The following AMPH variants were observed in gnomAD, a reference collection of about 807,000 sequenced individuals.
AMPH encodes the protein amphiphysin (Stiff-Mann syndrome with breast cancer 128kD autoantigen).
In AMPH, 49 loss-of-function variants were observed where a neutral mutation model predicts 99.1. The observed-to-expected ratio is 0.49, with a 90% CI of 0.39 to 0.63. The LOEUF (loss-of-function observed/expected upper bound fraction) is 0.63. AMPH is among the 20% of genes least tolerant of loss of function. AMPH has a pLI of 0.00. For missense variants in AMPH, 759 were observed against 863.4 expected, an observed-to-expected ratio of 0.88 and a Z score of 1.52; for synonymous variants, 314 against 317.3, an observed-to-expected ratio of 0.99 and a Z score of 0.11.
chr7:38,517,178 G>A (rs111765493), intron 2 of AMPH, among the ~76,000 whole-genome samples: 166 of 152,266 alleles, frequency 1.1e-3, no homozygotes, highest in South Asian at 4.6e-3. Context: ...ATGTGAGAAG[G>A]ACATGAGATT....
chr7:38,610,806 TCA>T (rs976526450), intron 1 of AMPH, among the ~76,000 whole-genome samples: 74 of 152,096 alleles, frequency 4.9e-4, no homozygotes, highest in African/African-American at 1.8e-3. Context: ...ACAAAAAAAA[TCA>T]TTTAATTTCA....
At chr7:38,395,093 T>A (rs1218563997) in intron 17 of AMPH, among the ~76,000 whole-genome samples, 1 of 152,162 alleles carries the variant, frequency 6.6e-6, no homozygotes, top group African/African-American at 2.4e-5. Flanking sequence ...GGAAGTGGCC[T>A]GGGTCAGAGA....
At chr7:38,445,539 A>G (rs972667087) in intron 11 of AMPH, among the ~76,000 whole-genome samples, 28 of 152,218 alleles carry the variant, frequency 1.8e-4, no homozygotes, top group African/African-American at 6.8e-4. Flanking sequence ...TGTATACAGA[A>G]TGGATAAAGA....
chr7:38,572,333 G>A (rs1792078799), intron 1 of AMPH, among the ~76,000 whole-genome samples: 1 of 152,160 alleles, frequency 6.6e-6, no homozygotes, highest in Admixed American at 6.5e-5. Flanking sequence ...GTTCAGGTGT[G>A]TACCCCAGGA....
chr7:38,582,339 G>T (rs186173009), intron 1 of AMPH, among the ~76,000 whole-genome samples: 4 of 152,156 alleles, frequency 2.6e-5, no homozygotes, highest in Admixed American at 2.6e-4. Context: ...AAGTGCCATG[G>T]TCATGTAGAA....
intron 17 of AMPH, among the ~76,000 whole-genome samples, chr7:38,412,397 A>T (rs191819691): frequency 1.2e-4 from 18 of 152,356 alleles, no homozygotes; most frequent in Admixed American, 3.3e-4. Context: ...AATGACATTT[A>T]TTAAAAAGTC....
intron 11 of AMPH, among the ~76,000 whole-genome samples, chr7:38,443,765 T>C (rs1786647758): frequency 6.6e-6 from 1 of 152,126 alleles, no homozygotes; most frequent in Non-Finnish European, 1.5e-5. Context: ...AAATACTACA[T>C]GCTCTTCCTC....
Position 38,458,922 on chromosome 7 carries a change from C to T in AMPH, c.1017+2361G>A, listed in dbSNP as rs1787336937. Among the ~76,000 whole-genome samples, 2 of 151,902 alleles carry T rather than the reference C, an allele frequency of 1.3e-5. 1 individual carries two copies. Among genetic ancestry groups the T allele is most frequent in the South Asian group, 4.2e-4 (2 of 4,810 alleles). ...GCATTCAAATTGGATAAGAAGAAGC[C>T]AAATTGTTCCTCTTTGCTGATAGTA... On this transcript the variant is annotated intron_variant, in intron 11 of 20. Coordinates refer to ENST00000356264, the MANE Select transcript of AMPH (RefSeq NM_001635.4).
At chr7:38,559,884 T>C (rs1462063281) in intron 1 of AMPH, among the ~76,000 whole-genome samples, 1 of 152,194 alleles carries the variant, frequency 6.6e-6, no homozygotes, top group Non-Finnish European at 1.5e-5. Context: ...CTGACACCTA[T>C]GGCGCCTGTA....
chr7:38,482,320 T>G (rs962055983), intron 5 of AMPH, among the ~76,000 whole-genome samples: 1 of 152,126 alleles, frequency 6.6e-6, no homozygotes, highest in Non-Finnish European at 1.5e-5. Flanking sequence ...GCAAAAGATC[T>G]AGATGATATT....
chr7:38,434,290 CCACA>C (rs1786170783), intron 12 of AMPH, among the ~76,000 whole-genome samples: 1 of 152,232 alleles, frequency 6.6e-6, no homozygotes, highest in South Asian at 2.1e-4. Context: ...AGTCATAAGG[CCACA>C]CACAGTTTCA....
At chr7:38,435,022 A>C (rs903474303) in intron 12 of AMPH, among the ~76,000 whole-genome samples, 2 of 152,234 alleles carry the variant, frequency 1.3e-5, no homozygotes, top group Non-Finnish European at 2.9e-5. Flanking sequence ...CTCTAAGTTA[A>C]ACAAATATAA....
intron 8 of AMPH, 127 bp from the exon 9 acceptor site, chr7:38,465,676 G>C: frequency 1.3e-6 from 1 of 773,538 alleles, no homozygotes; most frequent in Non-Finnish European, 2.1e-6. Flanking sequence ...GATGGCCTCA[G>C]GATAACTGAA....
At chr7:38,439,453 A>G (rs1055063325) in intron 11 of AMPH, among the ~76,000 whole-genome samples, 1 of 152,244 alleles carries the variant, frequency 6.6e-6, no homozygotes, top group Non-Finnish European at 1.5e-5. Flanking sequence ...GTAAAGCTAC[A>G]AACATAGCAA....
intron 11 of AMPH, among the ~76,000 whole-genome samples, chr7:38,437,693 A>G (rs1786331185): frequency 6.6e-6 from 1 of 151,788 alleles, no homozygotes; most frequent in African/African-American, 2.4e-5. Flanking sequence ...AGTCCCAGCT[A>G]CTTGGGAGGC....
chr7:38,614,679 A>G (rs1319634138), intron 1 of AMPH, among the ~76,000 whole-genome samples: 1 of 152,136 alleles, frequency 6.6e-6, no homozygotes, highest in Admixed American at 6.5e-5. Context: ...TAAGAAATGA[A>G]ATTAACTCAG....
chr7:38,451,649 C>T (rs1244984896), intron 11 of AMPH, among the ~76,000 whole-genome samples: 2 of 152,058 alleles, frequency 1.3e-5, no homozygotes, highest in African/African-American at 4.8e-5. Flanking sequence ...CTTAAACATG[C>T]CGATGTAAAC....
chr7:38,466,194 C>A lies in AMPH; in HGVS notation c.645G>T (p.Lys215Asn). Residue 215 changes from lysine (K) to asparagine (N), a missense_variant, in exon 8 of 21, where the codon AAG becomes AAT. Lys to Asn is a moderately conservative substitution (Grantham distance 94). Around this residue, in one of 2 missense-constraint regions of AMPH, gnomAD observed 205 missense variants for 287.9 expected, o/e 0.71. Coordinates refer to ENST00000356264, the MANE Select transcript of AMPH (RefSeq NM_001635.4). ...TCACCACCGCAATTTCCTTATGAAACTTGGCTTCAAGGCTGGAGACGTTTT... is the reference window on the plus strand; with the variant it reads ...TCACCACCGCAATTTCCTTATGAAAATTGGCTTCAAGGCTGGAGACGTTTT... The part of the protein sequence containing the change: ...TFKNVSSLEA[K>N]FHKEIAVLCH... 1 of 1,600,786 alleles carries A rather than the reference C, an allele frequency of 6.2e-7. No homozygotes were observed. The highest frequency in any genetic ancestry group is 1.1e-5 in the South Asian group (1 of 88,156).
chr7:38,493,484 C>G (rs1049764709), intron 4 of AMPH, among the ~76,000 whole-genome samples: 4 of 151,884 alleles, frequency 2.6e-5, no homozygotes, highest in Non-Finnish European at 5.9e-5. Context: ...GATGAGGAAA[C>G]TAAAGCCTAA....
Sources: gnomAD v4.1 joint callset for allele counts (sites outside exome capture counted in the v4.1 genomes callset) on GRCh38, gnomAD v4.1.1 for gene constraint, gnomAD v4.1.1 regional missense constraint, MANE v1.5 for transcripts, NCBI Gene and HGNC (gene_info 2026-07-23, HGNC 2026-07-21) for gene names.